Variants in BBX observed in about 807,000 individuals in gnomAD.
BBX encodes the protein BBX high mobility group box domain containing.
A neutral mutation model predicts 100.2 loss-of-function variants in BBX; 30 were observed. The ratio of observed to expected loss-of-function variants is 0.30; its 90% confidence interval spans 0.22 to 0.41. BBX has a LOEUF of 0.41. Ranked by LOEUF, BBX falls within the 10% of genes least tolerant of loss-of-function variation. The pLI, the probability that BBX is intolerant of heterozygous loss-of-function variation, is 1.00. For missense variants in BBX, 1,023 were observed against 1,129.8 expected (o/e 0.91, Z 1.35); for synonymous variants, 376 against 388.1 (o/e 0.97, Z 0.37).
At chr3:107,663,981 A>G (rs1576238474) in intron 3 of BBX, among the ~76,000 whole-genome samples, 1 of 151,742 alleles carries the variant, frequency 6.6e-6, no homozygotes, top group East Asian at 1.9e-4. Flanking sequence ...AATTTTTTGT[A>G]TTTTTAGTAG....
chr3:107,589,968 ACTTTCATTTTTTTTATAGGTCTTAAGT>A (rs2053179863), intron 2 of BBX, among the ~76,000 whole-genome samples: 1 of 152,036 alleles, frequency 6.6e-6, no homozygotes, highest in Non-Finnish European at 1.5e-5. Flanking sequence ...CTAATATGGT[ACTTTCATTTTTTTTATAGGTCTTAAGT>A]CTTTCATTTT....
At chr3:107,681,333 T>A (rs181501305) in intron 3 of BBX, among the ~76,000 whole-genome samples, 123 of 152,302 alleles carry the variant, frequency 8.1e-4, no homozygotes, top group African/African-American at 2.8e-3. Flanking sequence ...ACGTCTTTTT[T>A]AAGGAGTCTT....
At chr3:107,680,044 G>T (rs1317646279) in intron 3 of BBX, among the ~76,000 whole-genome samples, 1 of 152,184 alleles carries the variant, frequency 6.6e-6, no homozygotes, top group Non-Finnish European at 1.5e-5. Flanking sequence ...CAAGTGTTCA[G>T]TGTGAATGTA....
At chr3:107,561,174 A>G (rs1192662178) in intron 2 of BBX, among the ~76,000 whole-genome samples, 1 of 152,208 alleles carries the variant, frequency 6.6e-6, no homozygotes, top group Admixed American at 6.5e-5. Flanking sequence ...GAAAGTCTGC[A>G]TGGTCCATAT....
chr3:107,632,119 C>T (rs2056586341), intron 2 of BBX, among the ~76,000 whole-genome samples: 1 of 152,122 alleles, frequency 6.6e-6, no homozygotes, highest in Non-Finnish European at 1.5e-5. Flanking sequence ...CTCTGCCACT[C>T]AGGCTGGAGT....
chr3:107,665,711 CCTT>C (rs2058703462), intron 3 of BBX, among the ~76,000 whole-genome samples: 1 of 152,182 alleles, frequency 6.6e-6, no homozygotes, highest in African/African-American at 2.4e-5. Flanking sequence ...CCTTCTTGCT[CCTT>C]CTTCTCTTCC....
chr3:107,756,269 G>C (rs2065468798), intron 10 of BBX, among the ~76,000 whole-genome samples: 1 of 152,108 alleles, frequency 6.6e-6, no homozygotes, highest in Admixed American at 6.5e-5. Flanking sequence ...AGCATCTGTT[G>C]CTAGGGTGGG....
At chr3:107,696,263 C>T (rs1018240346) in intron 3 of BBX, among the ~76,000 whole-genome samples, 2 of 151,738 alleles carry the variant, frequency 1.3e-5, no homozygotes, top group African/African-American at 4.9e-5. Context: ...TTATTTTGCT[C>T]GTTAGTTGAT....
intron 3 of BBX, among the ~76,000 whole-genome samples, chr3:107,663,553 G>A (rs1041129335): frequency 2.6e-5 from 4 of 151,650 alleles, no homozygotes; most frequent in African/African-American, 9.7e-5. Flanking sequence ...GTTTTTCTTG[G>A]TCGTTTTTCT....
At chr3:107,725,704 C>T (rs78997171) in intron 5 of BBX, among the ~76,000 whole-genome samples, 2,567 of 152,006 alleles carry the variant, frequency 0.017, 31 homozygotes, top group Non-Finnish European at 0.025. Context: ...ATTCTTGCTA[C>T]GGAAACATGG....
chr3:107,635,223 T>C (rs1332681509), intron 2 of BBX, among the ~76,000 whole-genome samples: 1 of 152,206 alleles, frequency 6.6e-6, no homozygotes, highest in Non-Finnish European at 1.5e-5. Context: ...CTTTAACTCC[T>C]CAGAAATTGA....
intron 2 of BBX, among the ~76,000 whole-genome samples, chr3:107,604,828 A>G (rs2054312047): frequency 6.6e-6 from 1 of 151,038 alleles, no homozygotes; most frequent in Non-Finnish European, 1.5e-5. Flanking sequence ...TATTCCACAC[A>G]GGGAGATAAT....
intron 2 of BBX, among the ~76,000 whole-genome samples, chr3:107,548,174 C>T (rs979602642): frequency 1.2e-4 from 19 of 152,136 alleles, no homozygotes; most frequent in African/African-American, 4.6e-4. Flanking sequence ...ATGAACAAGG[C>T]ACTTAACCTC....
intron 2 of BBX, among the ~76,000 whole-genome samples, chr3:107,645,631 T>C (rs2057470361): frequency 6.6e-6 from 1 of 152,030 alleles, no homozygotes; most frequent in Admixed American, 6.6e-5. Flanking sequence ...TTAGTGACTG[T>C]CTTTTTGTTA....
chr3:107,715,372 A>G (rs1017011400), intron 4 of BBX, among the ~76,000 whole-genome samples: 1 of 152,228 alleles, frequency 6.6e-6, no homozygotes, highest in African/African-American at 2.4e-5. Context: ...AAGTTTAAGA[A>G]TTAACCACTC....
intron 5 of BBX, among the ~76,000 whole-genome samples, chr3:107,727,219 G>A (rs1217568329): frequency 2.6e-5 from 4 of 151,982 alleles, no homozygotes; most frequent in Admixed American, 1.3e-4. Context: ...TGACAAACCC[G>A]GCCCGTGTGC....
intron 2 of BBX, among the ~76,000 whole-genome samples, chr3:107,571,802 C>T (rs1163823888): frequency 6.6e-6 from 1 of 152,162 alleles, no homozygotes; most frequent in Admixed American, 6.5e-5. Context: ...GGGCTGAGTC[C>T]GAAAAGAGAG....
chr3:107,534,690 T>C (rs1350190421), intron 2 of BBX, among the ~76,000 whole-genome samples: 1 of 152,228 alleles, frequency 6.6e-6, no homozygotes, highest in Non-Finnish European at 1.5e-5. Flanking sequence ...AAATTGTTGA[T>C]AAATGAGCTT....
chr3:107,550,613 C>G (rs2049587776), intron 2 of BBX, among the ~76,000 whole-genome samples: 1 of 152,140 alleles, frequency 6.6e-6, no homozygotes, highest in Admixed American at 6.6e-5. Flanking sequence ...AGCAGTGATT[C>G]AGTTCAGCTG....
Sources: gnomAD v4.1 joint callset for allele counts (sites outside exome capture counted in the v4.1 genomes callset) on GRCh38, gnomAD v4.1.1 for gene constraint, MANE v1.5 for transcripts, NCBI Gene and HGNC (gene_info 2026-07-23, HGNC 2026-07-21) for gene names.